The following INTS1 variants were observed in gnomAD, a reference collection of about 807,000 sequenced individuals.
INTS1 encodes integrator complex subunit 1.
INTS1 carries 137 observed loss-of-function variants against 241.6 expected under a neutral mutation model. That is an observed-to-expected ratio of 0.57 (90% CI 0.49 to 0.65). INTS1 has a LOEUF of 0.65. Among genes scored for constraint, INTS1 ranks in the 30% least tolerant of loss-of-function variants. The pLI is 0.00. For missense variants in INTS1, 3,073 were observed against 3,032.2 expected, an observed-to-expected ratio of 1.01 and a Z score of -0.32; for synonymous variants, 1,692 against 1,337.8, an observed-to-expected ratio of 1.26 and a Z score of -5.78.
At chr7:1,471,360 G>A in intron 45 of INTS1, 136 bp from the exon 46 acceptor site, 1 of 1,028,128 alleles carries the variant, frequency 9.7e-7, no homozygotes, top group Non-Finnish European at 1.4e-6. Context: ...GGACGCACGT[G>A]CCACTGGCCG....
chr7:1,484,514 G>C (rs147577115), intron 24 of INTS1, among the ~76,000 whole-genome samples: 46 of 152,358 alleles, frequency 3.0e-4, no homozygotes, highest in Non-Finnish European at 5.6e-4. Flanking sequence ...TTGTGGACAA[G>C]AGAACCGTGA....
intron 14 of INTS1, among the ~76,000 whole-genome samples, chr7:1,494,225 T>C (rs1257724089): frequency 6.6e-6 from 1 of 152,210 alleles, no homozygotes; most frequent in African/African-American, 2.4e-5. Context: ...TCTAGATGGT[T>C]CTTGCCCTCA....
In INTS1 at chr7:1,494,972, C is replaced by T. The variant is rs564924456; in HGVS notation, c.1833-79G>A. On this transcript the variant is annotated intron_variant, in intron 13 of 47. Coordinates refer to ENST00000404767, the MANE Select transcript of INTS1 (RefSeq NM_001080453.3). ...CCCGTTAGTTCCAGGGAAGGGACCCCGCTCCCACGGGCCCCAGCGCTCAGA... is the reference window on the plus strand; with the variant it reads ...CCCGTTAGTTCCAGGGAAGGGACCCTGCTCCCACGGGCCCCAGCGCTCAGA... The T allele has an allele frequency of 1.9e-4, 286 of 1,501,298 alleles. 3 individuals carry two copies. In the South Asian group the frequency reaches 3.0e-3, roughly 16 times the overall value. The allele number at this position is 1,501,298 out of a possible 1,614,324, so 93.0% of individuals were successfully genotyped here. A position where few individuals can be genotyped will look rare whatever the true frequency, so the allele number is the denominator to read the frequency against.
rs1172353244 is a variant in INTS1, at chr7:1,487,905, T to C, written c.2371A>G (p.Met791Val). 1.2e-6 allele frequency: 2 copies of C among 1,613,446 alleles called. No individual in the cohort carries two copies. The highest frequency in any genetic ancestry group is 2.2e-5 in the South Asian group (2 of 91,078). Residue 791 changes from methionine (M) to valine (V), a missense_variant, in exon 19 of 48, where the codon ATG becomes GTG. Physicochemically the swap from Met to Val is conservative, Grantham distance 21. Transcript: ENST00000404767. ...TLTDEETRTE[M>V]LNRELQTAQR... ...GCGGTCTGCAGCTCACGGTTCAGCA[T>C]CTCCGTCCGGGTCTCCTCATCCGTC...
At chr7:1,471,302 G>C in intron 45 of INTS1, 78 bp from the exon 46 acceptor site, 1 of 1,431,646 alleles carries the variant, frequency 7.0e-7, no homozygotes, top group Non-Finnish European at 9.6e-7. Flanking sequence ...TTGGTCTCGT[G>C]ATGGTTGGCG....
intron 3 of INTS1, among the ~76,000 whole-genome samples, chr7:1,501,584 C>T (rs1052173948): frequency 1.3e-5 from 2 of 152,186 alleles, no homozygotes; most frequent in Non-Finnish European, 2.9e-5. Context: ...TCTTCAAAAC[C>T]TCCTTTCTAC....
Position 1,478,481 on chromosome 7 carries a change from G to A in INTS1, c.4515C>T (p.Ala1505=), listed in dbSNP as rs367591584. The change falls in exon 33 of 48, where the codon GCC becomes GCT. Residue 1505 remains alanine, a synonymous_variant. Coordinates refer to ENST00000404767, the MANE Select transcript of INTS1 (RefSeq NM_001080453.3). ...SDVRGGLLRL[A]EALAFRQDLE... is the part of the protein sequence containing the mutation. ...GGTCCTGACGGAAGGCCAGGGCCTCGGCCAGGCGCAGGAGCCCCCCTCGCA... is the reference window on the plus strand; with the variant it reads ...GGTCCTGACGGAAGGCCAGGGCCTCAGCCAGGCGCAGGAGCCCCCCTCGCA... 32 of 1,611,480 alleles carry A rather than the reference G, an allele frequency of 2.0e-5. No homozygotes were observed. Among genetic ancestry groups the A allele is most frequent in the African/African-American group, 1.5e-4 (11 of 74,890 alleles).
chr7:1,470,553 G>T lies in INTS1; in HGVS notation c.*24C>A. The T allele has an allele frequency of 3.3e-6, 5 of 1,508,026 alleles. No homozygotes were observed. The highest frequency in any genetic ancestry group is 1.2e-5 in the South Asian group (1 of 82,626). The allele number at this position is 1,508,026 out of a possible 1,614,324, so 93.4% of individuals were successfully genotyped here. On this transcript the variant is annotated 3_prime_UTR_variant, in exon 48 of 48. Transcript: ENST00000404767. Reference sequence around the variant, plus strand: ...CCGGGGACGGGACGGGCCGGGGCTTGGAGGGGGGTCGGCTGCCACAGGCTC... The same window carrying T: ...CCGGGGACGGGACGGGCCGGGGCTTTGAGGGGGGTCGGCTGCCACAGGCTC...
At position 1,498,959 on chromosome 7, in the gene INTS1, C is replaced by CCCCAG. The variant is rs1583161228; in HGVS notation, c.1137+15_1137+16insCTGGG. The CCCCAG allele has an allele frequency of 6.8e-7, 1 of 1,478,948 alleles. No homozygotes were observed. Among genetic ancestry groups the CCCCAG allele is most frequent in the African/African-American group, 1.6e-5 (1 of 62,290 alleles). The allele number at this position is 1,478,948 out of a possible 1,614,324, so 91.6% of individuals were successfully genotyped here. A position where few individuals can be genotyped will look rare whatever the true frequency, so the allele number is the denominator to read the frequency against. ...CCACCCCCTGCCCCGCCCACCCCCC[C>CCCCAG]GGGGCGCCCCCGCACCTTGGGGTTC... On this transcript the variant is annotated intron_variant, in intron 8 of 47. Transcript: ENST00000404767.
intron 33 of INTS1, 74 bp from the exon 34 acceptor site, chr7:1,478,010 C>A: frequency 7.9e-7 from 1 of 1,270,106 alleles, no homozygotes; most frequent in South Asian, 1.3e-5. Context: ...GTGGGCTAGC[C>A]AGGGTGGGGT....
chr7:1,490,223 A>G (rs1029594780), intron 16 of INTS1, among the ~76,000 whole-genome samples: 3 of 152,232 alleles, frequency 2.0e-5, no homozygotes, highest in African/African-American at 7.2e-5. Flanking sequence ...ATCAGAGAGC[A>G]CGCGAGGCTC....
intron 14 of INTS1, 169 bp downstream of exon 14, chr7:1,494,646 TG>T (rs1782756429): frequency 1.5e-6 from 1 of 679,822 alleles, no homozygotes; most frequent in Non-Finnish European, 2.6e-6. Flanking sequence ...GACGCCAGCA[TG>T]GGAGTGGGAG....
Position 1,494,869 on chromosome 7 carries a change from C to T in INTS1, c.1857G>A (p.Glu619=). Residue 619 remains glutamate, a synonymous_variant, in exon 14 of 48, where the codon GAG becomes GAA. Coordinates refer to ENST00000404767, the MANE Select transcript of INTS1 (RefSeq NM_001080453.3). ...CCCACTTGTAGTAGGTCTCCGGCTG[C>T]TCTGTGAACAGCACCTTGTGCAGGC... ...VHCLHKVLFT[E]QPETYYKWDN... The T allele has an allele frequency of 1.3e-6, 2 of 1,566,546 alleles. No individual in the cohort carries two copies. The highest frequency in any genetic ancestry group is 1.7e-6 in the Non-Finnish European group (2 of 1,156,174).
rs376705126 is a variant in INTS1, at chr7:1,473,632, T to C, written c.5891A>G (p.His1964Arg). 8.7e-6 allele frequency: 14 copies of C among 1,613,224 alleles called. No individual in the cohort carries two copies. In the African/African-American group the frequency reaches 9.3e-5, roughly 11 times the overall value. Residue 1964 changes from histidine (H) to arginine (R), a missense_variant, in exon 42 of 48, where the codon CAT (histidine) becomes CGT (arginine). Coordinates refer to ENST00000404767, the MANE Select transcript of INTS1 (RefSeq NM_001080453.3). The stretch of plus-strand genomic sequence containing the variant: ...TGGGGCATTGTAGGTAATGTACTTA[T>C]GGATGAACTGCACAAACTTGTTGAT... ...AFINKFVQFI[H>R]KYITYNAPAA...
chr7:1,485,415 G>A lies in INTS1; in HGVS notation c.3031C>T (p.Pro1011Ser). 1.2e-6 allele frequency: 2 copies of A among 1,612,808 alleles called. No homozygotes were observed. Among genetic ancestry groups the A allele is most frequent in the Non-Finnish European group, 1.7e-6 (2 of 1,179,830 alleles). Residue 1011 changes from proline to serine, a missense_variant, in exon 23 of 48, where the codon CCC becomes TCC. Physicochemically the swap from Pro to Ser is moderately conservative, Grantham distance 74 (BLOSUM62 -1). Coordinates refer to ENST00000404767, the MANE Select transcript of INTS1 (RefSeq NM_001080453.3). ...GSLRDGEEKE[P>S]PMEEDVGDTD... ...TCCCCCACATCCTCCTCCATGGGGGGCTCCTTCTCCTCCCCGTCCCGCAGG... is the reference window on the plus strand; with the variant it reads ...TCCCCCACATCCTCCTCCATGGGGGACTCCTTCTCCTCCCCGTCCCGCAGG...
At position 1,491,769 on chromosome 7, in the gene INTS1, G is replaced by A. The variant is rs188728794; in HGVS notation, c.2165+1241C>T. Among the ~76,000 whole-genome samples, 46 of 152,254 alleles carry A rather than the reference G, an allele frequency of 3.0e-4. No individual in the cohort carries two copies. The East Asian group carries it at 3.3e-3, about 11-fold the overall frequency. On this transcript the variant is annotated intron_variant, in intron 16 of 47. Coordinates refer to ENST00000404767, the MANE Select transcript of INTS1 (RefSeq NM_001080453.3). Reference sequence around the variant, plus strand: ...TAAAATTAGCTGGGCATGGTGGCACGTGCCTATAGTCCCAGCTACACAGGA... The same window carrying A: ...TAAAATTAGCTGGGCATGGTGGCACATGCCTATAGTCCCAGCTACACAGGA...
intron 27 of INTS1, 129 bp downstream of exon 27, chr7:1,482,417 T>C (rs936460505): frequency 2.3e-6 from 2 of 861,824 alleles, no homozygotes; most frequent in Non-Finnish European, 3.5e-6. Flanking sequence ...GTCTGCAGGA[T>C]CCCCTGAGGC....
At position 1,487,461 on chromosome 7, in the gene INTS1, A is replaced by G; in HGVS notation, c.2517-12T>C. 3 of 1,609,236 alleles carry G rather than the reference A, an allele frequency of 1.9e-6. No homozygotes were observed. The highest frequency in any genetic ancestry group is 2.5e-6 in the Non-Finnish European group (3 of 1,178,732). ...TCCGGGGGGGCCCCCTGAGGGCCAC[A>G]GGGGACACGGTGCGTCAGCACGCCC... On this transcript the variant is annotated splice_polypyrimidine_tract_variant and intron_variant, in intron 19 of 47. Coordinates refer to ENST00000404767, the MANE Select transcript of INTS1 (RefSeq NM_001080453.3).
At chr7:1,473,016 G>A (rs997461262) in intron 43 of INTS1, 56 bp downstream of exon 43, 3 of 1,196,830 alleles carry the variant, frequency 2.5e-6, no homozygotes, top group Non-Finnish European at 2.4e-6. Flanking sequence ...GGGAAAACCA[G>A]GCCCTGTAGG....
Sources: gnomAD v4.1 joint callset for allele counts (sites outside exome capture counted in the v4.1 genomes callset) on GRCh38, gnomAD v4.1.1 for gene constraint, MANE v1.5 for transcripts, NCBI Gene and HGNC (gene_info 2026-07-23, HGNC 2026-07-21) for gene names.